The following GRAMD2B variants were observed in gnomAD, a reference collection of about 807,000 sequenced individuals.
The protein encoded by GRAMD2B is GRAM domain-containing protein 2B.
Under a neutral mutation model 59.2 loss-of-function variants are expected in GRAMD2B, and 41 were observed. The observed-to-expected ratio is 0.69, with a 90% confidence interval of 0.54 to 0.90. The LOEUF (loss-of-function observed/expected upper bound fraction) is 0.90. GRAMD2B is among the 40% of genes least tolerant of loss of function. The pLI is 0.00. For missense variants in GRAMD2B, 424 were observed against 500.5 expected, an observed-to-expected ratio of 0.85 and a Z score of 1.46; for synonymous variants, 161 against 182.7, an observed-to-expected ratio of 0.88 and a Z score of 0.96.
In GRAMD2B at chr5:126,493,986, T is replaced by C. The variant is rs1421611577; in HGVS notation, c.*1030T>C. ...ATAAGATCTGTAAGTACAAAGGATA[T>C]TCTGTTTCTATCTGCAATGCATTTG... On this transcript the variant is annotated 3_prime_UTR_variant, in exon 14 of 14. Coordinates refer to ENST00000285689, the MANE Select transcript of GRAMD2B (RefSeq NM_023927.4). The C allele has an allele frequency of 6.5e-6, 1 of 152,688 alleles. No individual in the cohort carries two copies. The highest frequency in any genetic ancestry group is 6.5e-5 in the Admixed American group (1 of 15,288). The allele number at this position is 152,688 out of a possible 1,614,324, so 9.5% of individuals were successfully genotyped here. A position where few individuals can be genotyped will look rare whatever the true frequency, so the allele number is the denominator to read the frequency against.
intron 1 of GRAMD2B, among the ~76,000 whole-genome samples, chr5:126,440,757 T>C (rs970723264): frequency 6.6e-6 from 1 of 152,162 alleles, no homozygotes; most frequent in African/African-American, 2.4e-5. Flanking sequence ...GAAAAAATTG[T>C]GTGACATAAT....
At chr5:126,443,924 C>A (rs560341287) in intron 1 of GRAMD2B, among the ~76,000 whole-genome samples, 1 of 151,804 alleles carries the variant, frequency 6.6e-6, no homozygotes, top group South Asian at 2.1e-4. Flanking sequence ...TGGTGGTGGG[C>A]GCCTGTAATC....
chr5:126,483,443 A>C lies in GRAMD2B; in HGVS notation c.736-20A>C, dbSNP rs1331771477. ...ACTAAGGGAATATCAGCCTGTCTTC[A>C]TTTCACTGTTTCCTTTCAGGATTTC... On this transcript the variant is annotated intron_variant, in intron 8 of 13. Transcript: ENST00000285689. 6.7e-7 allele frequency: 1 copy of C among 1,489,094 alleles called. No homozygotes were observed. Among genetic ancestry groups the C allele is most frequent in the East Asian group, 2.3e-5 (1 of 44,236 alleles). 92.2% of individuals were successfully genotyped at this position (1,489,094 alleles called of 1,614,324 possible).
At chr5:126,369,772 C>T (rs1754646204), upstream of GRAMD2B, among the ~76,000 whole-genome samples, 1 of 151,872 alleles carries the variant, frequency 6.6e-6, no homozygotes, top group African/African-American at 2.4e-5. Flanking sequence ...TAGGAATTGC[C>T]CCTGTTTAAT....
intron 1 of GRAMD2B, among the ~76,000 whole-genome samples, chr5:126,444,488 C>T (rs1763856113): frequency 6.6e-6 from 1 of 152,124 alleles, no homozygotes; most frequent in African/African-American, 2.4e-5. Flanking sequence ...GGGACAGGTG[C>T]CCTTTGAAGT....
At chr5:126,488,682 A>G (rs996288308) in intron 12 of GRAMD2B, 117 bp from the exon 13 acceptor site, 1 of 646,868 alleles carries the variant, frequency 1.5e-6, no homozygotes, top group Non-Finnish European at 2.7e-6. Flanking sequence ...AACAAATGAA[A>G]TGTTCATTCT....
rs1185061891 is a variant in GRAMD2B at position 126,473,308 on chromosome 5, G to T, written c.426G>T (p.Lys142Asn). The change falls in exon 5 of 14, where the codon AAG (lysine) becomes AAT (asparagine). Residue 142 changes from lysine to asparagine, a missense_variant. Physicochemically the swap from Lys to Asn is moderately conservative, Grantham distance 94. Transcript: ENST00000285689. ...AGAAAGAAATACTATACCAAGGAAA[G>T]CTCTTTGTATCAGAAAACTGGATTT... ...ALQKEILYQG[K>N]LFVSENWICF... 1 of 1,541,644 alleles carries T rather than the reference G, an allele frequency of 6.5e-7. No homozygotes were observed. Among genetic ancestry groups the T allele is most frequent in the Non-Finnish European group, 8.8e-7 (1 of 1,139,380 alleles).
chr5:126,480,680 A>C lies in GRAMD2B; in HGVS notation c.708A>C (p.Arg236=). Residue 236 remains arginine, a synonymous_variant, in exon 8 of 14, where the codon CGA becomes CGC. Coordinates refer to ENST00000285689, the MANE Select transcript of GRAMD2B (RefSeq NM_023927.4). ...CATCTTCTGCTGAAAACAGTTTCCG[A>C]GCAGACCGCCCTTCATCTCTGCCTC... ...PNPSSAENSF[R]ADRPSSLPLD... 1 of 1,614,134 alleles carries C rather than the reference A, an allele frequency of 6.2e-7. No individual in the cohort carries two copies. The highest frequency in any genetic ancestry group is 1.3e-5 in the African/African-American group (1 of 75,048).
At chr5:126,391,030 A>T (rs1400878442) in intron 1 of GRAMD2B, among the ~76,000 whole-genome samples, 1 of 152,090 alleles carries the variant, frequency 6.6e-6, no homozygotes, top group Non-Finnish European at 1.5e-5. Context: ...GGGCTTAAAG[A>T]TGTAGACCTC....
chr5:126,415,407 T>C (rs1355515298), intron 1 of GRAMD2B, among the ~76,000 whole-genome samples: 2 of 152,188 alleles, frequency 1.3e-5, no homozygotes, highest in East Asian at 1.9e-4. Flanking sequence ...AACTCACTTA[T>C]AGCAATCATG....
chr5:126,462,391 C>T, intron 1 of GRAMD2B: 1 of 985,138 alleles, frequency 1.0e-6, no homozygotes. Flanking sequence ...ACGCTAGCCT[C>T]TGCTGCTTGA....
At chr5:126,389,939 C>G (rs1326687574) in intron 1 of GRAMD2B, among the ~76,000 whole-genome samples, 2 of 152,112 alleles carry the variant, frequency 1.3e-5, no homozygotes, top group Admixed American at 6.5e-5. Context: ...CAGAGTGAGA[C>G]TCTGTCTCAA....
intron 1 of GRAMD2B, among the ~76,000 whole-genome samples, chr5:126,409,785 A>G (rs1758607254): frequency 6.6e-6 from 1 of 152,006 alleles, no homozygotes; most frequent in Non-Finnish European, 1.5e-5. Context: ...CTGAATGGTA[A>G]TGCCTAGGTT....
At chr5:126,445,032 CT>C (rs1763955057) in intron 1 of GRAMD2B, among the ~76,000 whole-genome samples, 1 of 152,182 alleles carries the variant, frequency 6.6e-6, no homozygotes. Context: ...TGATCTCAGT[CT>C]TTTTTATGGA....
At position 126,488,870 on chromosome 5, in the gene GRAMD2B, C is replaced by A; in HGVS notation, c.1235C>A (p.Ala412Asp). The change falls in exon 13 of 14, where the codon GCT becomes GAT. Residue 412 changes from alanine to aspartate, a missense_variant. By Grantham distance (126) the Ala-to-Asp change is moderately radical (BLOSUM62 -2). Transcript: ENST00000285689. Reference protein sequence around the residue: ...NVEVLCQELTANIVKLEKIQN... With the variant: ...NVEVLCQELTDNIVKLEKIQN... ...GAGGTTCTCTGTCAAGAGCTTACAG[C>A]TAACATAGTGAAATTAGAAAAGGTG... The A allele has an allele frequency of 6.2e-7, 1 of 1,613,258 alleles. No individual in the cohort carries two copies. The highest frequency in any genetic ancestry group is 8.5e-7 in the Non-Finnish European group (1 of 1,179,342).
chr5:126,461,531 G>C (rs777632789), intron 1 of GRAMD2B, among the ~76,000 whole-genome samples: 22 of 152,220 alleles, frequency 1.4e-4, no homozygotes, highest in Non-Finnish European at 2.6e-4. Flanking sequence ...GGGCATGGTG[G>C]TTTATGCTTT....
At chr5:126,482,679 G>A (rs1175978463) in intron 8 of GRAMD2B, among the ~76,000 whole-genome samples, 1 of 152,224 alleles carries the variant, frequency 6.6e-6, no homozygotes, top group Non-Finnish European at 1.5e-5. Context: ...TGAGTGTTGA[G>A]ATGAACAAAA....
At chr5:126,441,553 C>T in intron 1 of GRAMD2B, among the ~76,000 whole-genome samples, 1 of 152,222 alleles carries the variant, frequency 6.6e-6, no homozygotes, top group Non-Finnish European at 1.5e-5. Context: ...CAGTAGGCTT[C>T]CAGCCTTTCT....
Position 126,377,338 on chromosome 5 carries a change from A to G in GRAMD2B, c.125+5771A>G, listed in dbSNP as rs7718756. Among the ~76,000 whole-genome samples, 591 of 152,094 alleles carry G rather than the reference A, an allele frequency of 3.9e-3. 2 individuals are homozygous for G. Among genetic ancestry groups the G allele is most frequent in the African/African-American group, 0.013 (551 of 41,468 alleles). ...CCACTTATCAGAATGTATTGCCATCAGGATGTATTTATTACAAAGCCAATG... is the reference window on the plus strand; with the variant it reads ...CCACTTATCAGAATGTATTGCCATCGGGATGTATTTATTACAAAGCCAATG... On this transcript the variant is annotated intron_variant, in intron 1 of 8. Transcript: ENST00000506445.
Sources: allele counts gnomAD v4.1 joint callset (sites outside exome capture counted in the v4.1 genomes callset), GRCh38; gene constraint gnomAD v4.1.1; transcripts MANE v1.5; gene names NCBI Gene and HGNC (gene_info 2026-07-23, HGNC 2026-07-21).